Variants in DNAAF4 observed in about 807,000 individuals in gnomAD.
DNAAF4 encodes the protein dynein assembly factor 4, axonemal.
A neutral mutation model predicts 51.8 loss-of-function variants in DNAAF4; 43 were observed. That is an observed-to-expected ratio of 0.83 (90% confidence interval 0.65 to 1.07). The LOEUF (loss-of-function observed/expected upper bound fraction) is 1.07, where lower values mean the gene tolerates loss of function less well. Among genes scored for constraint, DNAAF4 ranks in the 50% least tolerant of loss-of-function variants. The probability of loss-of-function intolerance (pLI) is 0.00; values close to 1 mark genes in which losing one functional copy is unlikely to be tolerated. For missense variants in DNAAF4, 581 were observed against 493.0 expected (o/e 1.18, Z -1.69); for synonymous variants, 194 against 165.6 (o/e 1.17, Z -1.32).
intron 5 of DNAAF4, among the ~76,000 whole-genome samples, chr15:55,451,818 G>C (rs545130865): frequency 1.3e-5 from 2 of 152,026 alleles, no homozygotes; most frequent in African/African-American, 2.4e-5. Flanking sequence ...ATGGGGTCTT[G>C]TTTTGTTGCC....
intron 1 of DNAAF4, among the ~76,000 whole-genome samples, chr15:55,500,093 A>C (rs963485864): frequency 1.3e-5 from 2 of 151,982 alleles, no homozygotes. Flanking sequence ...TGGAAATCTG[A>C]AAGTATAATA....
At chr15:55,442,878 C>G in intron 6 of DNAAF4, 3 of 1,612,418 alleles carry the variant, frequency 1.9e-6, no homozygotes, top group Non-Finnish European at 2.5e-6. Flanking sequence ...TAGCATCAAT[C>G]ATGGTTGCAA....
chr15:55,419,400 G>GGGGT (rs551595230), intron 7 of DNAAF4, among the ~76,000 whole-genome samples: 2 of 148,060 alleles, frequency 1.4e-5, no homozygotes, highest in Non-Finnish European at 3.0e-5. Context: ...TAATTTGTGG[G>GGGGT]GTGTGTGTGT....
chr15:55,468,309 T>C (rs1350697584), intron 4 of DNAAF4, among the ~76,000 whole-genome samples: 1 of 152,224 alleles, frequency 6.6e-6, no homozygotes, highest in Non-Finnish European at 1.5e-5. Flanking sequence ...TACTCTCTTC[T>C]AGAAGACTGA....
rs921055799 is a variant in DNAAF4 at position 55,476,379 on chromosome 15, G to T, written c.406-9218C>A. On this transcript the variant is annotated intron_variant, in intron 4 of 9. Transcript: ENST00000321149. ...GGGGCAGGAAGACTGCTTGAGACCA[G>T]GAGTTTGAAGTTACAGTGAGCTATG... Among the ~76,000 whole-genome samples the T allele has an allele frequency of 2.0e-5, 3 of 152,022 alleles. No individual in the cohort carries two copies. In the East Asian group the frequency reaches 5.8e-4, roughly 29 times the overall value.
chr15:55,434,563 TG>T (rs1169249231), intron 8 of DNAAF4, among the ~76,000 whole-genome samples: 1 of 152,120 alleles, frequency 6.6e-6, no homozygotes, highest in Non-Finnish European at 1.5e-5. Context: ...CCGGGCGCGG[TG>T]GCTCATGTCT....
chr15:55,453,548 CTT>C (rs1228330492), intron 5 of DNAAF4, among the ~76,000 whole-genome samples: 16 of 115,640 alleles, frequency 1.4e-4, no homozygotes, highest in East Asian at 2.4e-4. Context: ...AAAAACAGTT[CTT>C]TTTTTTTTTT....
intron 5 of DNAAF4, among the ~76,000 whole-genome samples, chr15:55,454,349 A>G (rs888250170): frequency 7.2e-5 from 11 of 152,032 alleles, no homozygotes; most frequent in African/African-American, 1.7e-4. Context: ...TATTGAAAAC[A>G]AGAGAATACA....
In DNAAF4 at chr15:55,461,417, A is replaced by C. The variant is rs147163220; in HGVS notation, c.637+5513T>G. 8.3e-3 allele frequency among the ~76,000 whole-genome samples: 1,261 copies of C among 152,200 alleles called. 14 individuals carry two copies. Among genetic ancestry groups the C allele is most frequent in the African/African-American group, 0.029 (1,188 of 41,524 alleles). On this transcript the variant is annotated intron_variant, in intron 5 of 9. Transcript: ENST00000321149. ...AGCCCATCTCAGTAAATTTAAGAAA[A>C]TCAAAATTATATCAAATACTCTCTA...
chr15:55,458,065 T>C (rs2058045013), intron 5 of DNAAF4, among the ~76,000 whole-genome samples: 2 of 152,268 alleles, frequency 1.3e-5, no homozygotes, highest in Admixed American at 6.5e-5. Flanking sequence ...ATCTTACCAC[T>C]GAAACAGTCT....
chr15:55,428,209 G>GTC (rs959949268), downstream of DNAAF4, among the ~76,000 whole-genome samples: 2 of 150,638 alleles, frequency 1.3e-5, no homozygotes, highest in Admixed American at 1.3e-4. Context: ...CTGCCTCAGT[G>GTC]TCCCAAAGTG....
In DNAAF4 at chr15:55,420,615, T is replaced by A. The variant is rs1003553903; in HGVS notation, c.1048-2482A>T. ...CAAATACCCCCCCAAAACTGATATT[T>A]AGTAATGGCACAAGCAAGAAGAAAA... On this transcript the variant is annotated intron_variant, in intron 7 of 7. Coordinates refer to the DNAAF4 transcript ENST00000448430. 1.6e-3 allele frequency among the ~76,000 whole-genome samples: 239 copies of A among 152,254 alleles called. 2 individuals are homozygous for A. The highest frequency in any genetic ancestry group is 8.1e-4 in the Non-Finnish European group (55 of 68,022).
rs559646802 is a variant in DNAAF4, at chr15:55,455,255, C to T, written c.638-4888G>A. Among the ~76,000 whole-genome samples, 29 of 148,832 alleles carry T rather than the reference C, an allele frequency of 1.9e-4. 1 individual carries two copies. Among genetic ancestry groups the T allele is most frequent in the Middle Eastern group, 3.5e-3 (1 of 288 alleles). On this transcript the variant is annotated intron_variant, in intron 5 of 9. Coordinates refer to ENST00000321149, the MANE Select transcript of DNAAF4 (RefSeq NM_130810.4). Reference sequence around the variant, plus strand: ...GTTTCAAATAGTAGAAAAAGAAAAACGCTCTATAGTATATAGGTCTGGTAC... The same window carrying T: ...GTTTCAAATAGTAGAAAAAGAAAAATGCTCTATAGTATATAGGTCTGGTAC...
chr15:55,501,751 T>G (rs2058700544), intron 1 of DNAAF4, among the ~76,000 whole-genome samples: 1 of 151,498 alleles, frequency 6.6e-6, no homozygotes, highest in South Asian at 2.1e-4. Flanking sequence ...TTAAGAAGTG[T>G]TGCTCACTGG....
At chr15:55,442,674 T>C in intron 6 of DNAAF4, 1 of 1,498,894 alleles carries the variant, frequency 6.7e-7, no homozygotes, top group Non-Finnish European at 9.3e-7. Context: ...TAAGTAAGCT[T>C]GTCGCCTCTG....
At chr15:55,439,797 G>A (rs1211209566) in intron 6 of DNAAF4, among the ~76,000 whole-genome samples, 1 of 152,080 alleles carries the variant, frequency 6.6e-6, no homozygotes, top group African/African-American at 2.4e-5. Context: ...AGGTAATGAG[G>A]TTTAGGTCAT....
chr15:55,430,210 G>A (rs1267277432), downstream of DNAAF4: 1 of 217,818 alleles, frequency 4.6e-6, no homozygotes, highest in East Asian at 1.8e-4. Flanking sequence ...AAAAAATAAG[G>A]TTCTGTGCAG....
intron 4 of DNAAF4, among the ~76,000 whole-genome samples, chr15:55,489,074 G>A (rs1442391086): frequency 4.0e-5 from 6 of 149,892 alleles, no homozygotes; most frequent in Non-Finnish European, 8.8e-5. Context: ...GGGCGACTAA[G>A]CAAGACTCCA....
At chr15:55,459,006 T>A (rs1394271149) in intron 5 of DNAAF4, among the ~76,000 whole-genome samples, 1 of 150,108 alleles carries the variant, frequency 6.7e-6, no homozygotes, top group Non-Finnish European at 1.5e-5. Flanking sequence ...AACCCGGGAG[T>A]TGGAGGTTGC....
Sources: allele counts gnomAD v4.1 joint callset (sites outside exome capture counted in the v4.1 genomes callset), GRCh38; gene constraint gnomAD v4.1.1; transcripts MANE v1.5; gene names NCBI Gene and HGNC (gene_info 2026-07-23, HGNC 2026-07-21).